Variants in PAPPA observed in about 807,000 individuals in gnomAD.
PAPPA encodes the protein pappalysin-1.
In PAPPA, 60 loss-of-function variants were observed where a neutral mutation model predicts 164.0. The observed-to-expected ratio is 0.37, with a 90% confidence interval of 0.30 to 0.45. PAPPA has a LOEUF of 0.45. PAPPA is among the 20% of genes least tolerant of loss of function. The pLI is 1.00. For synonymous variants in PAPPA, 875 were observed against 814.1 expected, an observed-to-expected ratio of 1.07 and a Z score of -1.27; for missense variants, 1,782 against 2,087.3, an observed-to-expected ratio of 0.85 and a Z score of 2.85.
rs541851144 is a variant in PAPPA, at chr9:116,262,815, A to G, written c.2733-3042A>G. Among the ~76,000 whole-genome samples, 10 of 152,312 alleles carry G rather than the reference A, an allele frequency of 6.6e-5. No individual in the cohort carries two copies. The East Asian group carries it at 1.3e-3, about 21-fold the overall frequency. On this transcript the variant is annotated intron_variant, in intron 7 of 21. Transcript: ENST00000328252. ...AGGAACAACTTGACAAAAATGTCCT[A>G]CTTTTAGACCAACAATGAAATAGGT... is the stretch of plus-strand genomic sequence containing the variant.
intron 21 of PAPPA, among the ~76,000 whole-genome samples, chr9:116,388,013 G>C (rs1206118788): frequency 6.6e-6 from 1 of 152,132 alleles, no homozygotes; most frequent in Admixed American, 6.5e-5. Flanking sequence ...GGTTCCCAGG[G>C]CTAGGGCCTC....
chr9:116,218,488 A>G (rs1844403155), intron 4 of PAPPA, among the ~76,000 whole-genome samples: 1 of 152,166 alleles, frequency 6.6e-6, no homozygotes, highest in African/African-American at 2.4e-5. Flanking sequence ...TTGGAAATTA[A>G]GCCAAAACAG....
At position 116,295,982 on chromosome 9, in the gene PAPPA, G is replaced by A. The variant is rs966892606; in HGVS notation, c.2954-6775G>A. Among the ~76,000 whole-genome samples the A allele has an allele frequency of 5.7e-4, 87 of 152,248 alleles. 1 individual carries two copies. The highest frequency in any genetic ancestry group is 2.0e-3 in the African/African-American group (84 of 41,532). ...CTACTGATTAGAAGATATTTTAGCT[G>A]GGGATTGCAATAGCCCTCACTCCTA... On this transcript the variant is annotated intron_variant, in intron 9 of 21. Transcript: ENST00000328252.
intron 18 of PAPPA, among the ~76,000 whole-genome samples, chr9:116,366,757 A>T (rs1001767456): frequency 2.0e-5 from 3 of 152,148 alleles, no homozygotes; most frequent in Admixed American, 6.5e-5. Flanking sequence ...CACCAAGCAA[A>T]CAGGAAATGA....
At chr9:116,205,800 T>C (rs1428657193) in intron 2 of PAPPA, among the ~76,000 whole-genome samples, 1 of 152,176 alleles carries the variant, frequency 6.6e-6, no homozygotes, top group East Asian at 1.9e-4. Flanking sequence ...GGGTAGGTAG[T>C]ATTATCACCC....
chr9:116,245,682 A>G (rs550851880), intron 7 of PAPPA, among the ~76,000 whole-genome samples: 21 of 152,340 alleles, frequency 1.4e-4, no homozygotes, highest in African/African-American at 4.3e-4. Flanking sequence ...ATAGAGGAAT[A>G]TATTTTAATT....
At chr9:116,191,702 A>G (rs2118639311) in intron 2 of PAPPA, among the ~76,000 whole-genome samples, 1 of 152,332 alleles carries the variant, frequency 6.6e-6, no homozygotes, top group Middle Eastern at 3.4e-3. Context: ...AGGGGGCAAG[A>G]TTTGAGTAGG....
At chr9:116,358,223 A>C (rs897897511) in intron 17 of PAPPA, among the ~76,000 whole-genome samples, 1 of 152,112 alleles carries the variant, frequency 6.6e-6, no homozygotes, top group Non-Finnish European at 1.5e-5. Flanking sequence ...AAAGAGACTT[A>C]TCCTGAGTCA....
chr9:116,254,596 T>C (rs12001800), intron 7 of PAPPA, among the ~76,000 whole-genome samples: 22,416 of 151,770 alleles, frequency 0.15, 1,719 homozygotes, highest in Middle Eastern at 0.26. Context: ...TCCCGGCTAA[T>C]ACGGTGAAAC....
At chr9:116,303,641 A>G (rs530434058) in intron 10 of PAPPA, among the ~76,000 whole-genome samples, 2 of 152,212 alleles carry the variant, frequency 1.3e-5, no homozygotes, top group Non-Finnish European at 2.9e-5. Flanking sequence ...CCGAGACTCA[A>G]ATTTCCCAGA....
intron 9 of PAPPA, among the ~76,000 whole-genome samples, chr9:116,281,457 C>G (rs1386027811): frequency 3.3e-5 from 5 of 152,152 alleles, no homozygotes; most frequent in African/African-American, 1.2e-4. Flanking sequence ...ACCCTCGTGT[C>G]CCAACATCCA....
chr9:116,379,595 TAAAC>T (rs1476535340), intron 20 of PAPPA, among the ~76,000 whole-genome samples: 3 of 151,962 alleles, frequency 2.0e-5, no homozygotes, highest in African/African-American at 7.3e-5. Context: ...TTTTACTAAA[TAAAC>T]ATTTATGGAA....
intron 19 of PAPPA, among the ~76,000 whole-genome samples, 192 bp from the exon 20 acceptor site, chr9:116,377,384 A>G (rs1846669210): frequency 6.6e-6 from 1 of 152,212 alleles, no homozygotes; most frequent in Non-Finnish European, 1.5e-5. Context: ...CATGCGGTGA[A>G]CACAAATATT....
intron 18 of PAPPA, among the ~76,000 whole-genome samples, chr9:116,365,764 C>A (rs1846493366): frequency 6.6e-6 from 1 of 152,106 alleles, no homozygotes; most frequent in African/African-American, 2.4e-5. Context: ...CATCACTCAT[C>A]ATTTTTGTCT....
In PAPPA at chr9:116,271,399, T is replaced by A; in HGVS notation, c.2936T>A (p.Val979Asp). Reference sequence around the variant, plus strand: ...TGCTCCCTTTTCTGCCGACAAGAAGTCTCCTTCAATTGTATTGGTACGTCT... The same window carrying A: ...TGCTCCCTTTTCTGCCGACAAGAAGACTCCTTCAATTGTATTGGTACGTCT... ...DGCSLFCRQE[V>D]SFNCIDEPSR... is the part of the protein sequence containing the mutation. Residue 979 changes from valine (V) to aspartate (D), a missense_variant, in exon 9 of 22, where the codon GTC becomes GAC. Physicochemically the swap from Val to Asp is radical, Grantham distance 152. Transcript: ENST00000328252. The surrounding 1 kb of genome is among the most constrained non-coding windows in gnomAD (Gnocchi z 4.2). 1 of 1,611,810 alleles carries A rather than the reference T, an allele frequency of 6.2e-7. No homozygotes were observed. Among genetic ancestry groups the A allele is most frequent in the Non-Finnish European group, 8.5e-7 (1 of 1,177,896 alleles).
At chr9:116,225,790 ATGCC>A (rs1844499034) in intron 5 of PAPPA, among the ~76,000 whole-genome samples, 1 of 152,098 alleles carries the variant, frequency 6.6e-6, no homozygotes, top group African/African-American at 2.4e-5. Flanking sequence ...GTATTAGCAC[ATGCC>A]TAAGTGACTG....
intron 13 of PAPPA, among the ~76,000 whole-genome samples, chr9:116,342,446 T>A (rs1001005650): frequency 3.2e-4 from 48 of 152,172 alleles, no homozygotes; most frequent in Admixed American, 8.5e-4. Context: ...AAAGCTCCCA[T>A]CAGTGAGGGT....
At chr9:116,320,840 G>A (rs1845845870) in intron 10 of PAPPA, among the ~76,000 whole-genome samples, 3 of 152,032 alleles carry the variant, frequency 2.0e-5, no homozygotes, top group Non-Finnish European at 4.4e-5. Flanking sequence ...TGGTCAGTTT[G>A]GAATTAGAGG....
intron 5 of PAPPA, among the ~76,000 whole-genome samples, chr9:116,221,731 A>G (rs886964377): frequency 2.0e-5 from 3 of 152,178 alleles, no homozygotes; most frequent in East Asian, 3.9e-4. Flanking sequence ...GGCAAAAAAA[A>G]AGCCACAAAA....
Sources: gnomAD v4.1 joint callset for allele counts (sites outside exome capture counted in the v4.1 genomes callset) on GRCh38, gnomAD v4.1.1 for gene constraint, Gnocchi (gnomAD v3.1) non-coding constraint, MANE v1.5 for transcripts, NCBI Gene and HGNC (gene_info 2026-07-23, HGNC 2026-07-21) for gene names.